Variants in CNTN4 observed in about 807,000 individuals in gnomAD.
CNTN4 encodes contactin-4.
In CNTN4, 77 loss-of-function variants were observed where a neutral mutation model predicts 122.5. The ratio of observed to expected loss-of-function variants is 0.63; its 90% confidence interval spans 0.52 to 0.76. The LOEUF is 0.76. CNTN4 is among the 30% of genes least tolerant of loss of function. The pLI is 0.00. For synonymous variants in CNTN4, 512 were observed against 447.0 expected, an observed-to-expected ratio of 1.15 and a Z score of -1.83; for missense variants, 1,256 against 1,259.1, an observed-to-expected ratio of 1.00 and a Z score of 0.04.
chr3:2,474,972 T>C (rs1192535365), intron 3 of CNTN4, among the ~76,000 whole-genome samples: 1 of 152,206 alleles, frequency 6.6e-6, no homozygotes, highest in Non-Finnish European at 1.5e-5. Context: ...ATCTTTCATA[T>C]TTTAAATAGC....
chr3:2,465,816 T>C (rs1486721688), intron 3 of CNTN4, among the ~76,000 whole-genome samples: 1 of 152,240 alleles, frequency 6.6e-6, no homozygotes, highest in Non-Finnish European at 1.5e-5. Context: ...GATATCTTTG[T>C]TGGTCCTTTT....
chr3:3,044,725 C>A (rs973310756), intron 23 of CNTN4, among the ~76,000 whole-genome samples: 4 of 152,166 alleles, frequency 2.6e-5, no homozygotes, highest in African/African-American at 9.7e-5. Flanking sequence ...AACTGAGGTA[C>A]TGGGTTCATC....
intron 3 of CNTN4, among the ~76,000 whole-genome samples, chr3:2,420,534 C>G (rs927741766): frequency 1.3e-5 from 2 of 151,950 alleles, no homozygotes; most frequent in Non-Finnish European, 1.5e-5. Flanking sequence ...CTCCCAGGTT[C>G]AAGCAATTCT....
intron 4 of CNTN4, among the ~76,000 whole-genome samples, chr3:2,591,725 T>G (rs1364811831): frequency 3.3e-5 from 5 of 151,900 alleles, no homozygotes; most frequent in African/African-American, 4.8e-5. Flanking sequence ...ATGAGGTGAA[T>G]TTTTGAAAGG....
intron 7 of CNTN4, among the ~76,000 whole-genome samples, chr3:2,854,459 G>T (rs558062995): frequency 1.3e-4 from 20 of 151,626 alleles, no homozygotes; most frequent in African/African-American, 4.4e-4. Context: ...TTTTGGTAGA[G>T]ACGGGGTTTC....
chr3:2,913,020 C>T (rs140009316), intron 12 of CNTN4, among the ~76,000 whole-genome samples: 4 of 152,102 alleles, frequency 2.6e-5, no homozygotes, highest in Non-Finnish European at 4.4e-5. Flanking sequence ...GATGTGGTGG[C>T]GCATGCCTGT....
intron 4 of CNTN4, among the ~76,000 whole-genome samples, chr3:2,684,127 G>T (rs1489620569): frequency 6.6e-6 from 1 of 152,148 alleles, no homozygotes; most frequent in African/African-American, 2.4e-5. Context: ...TTGGTTTCCA[G>T]TGTATATATA....
At chr3:2,688,926 C>A (rs539878108) in intron 4 of CNTN4, among the ~76,000 whole-genome samples, 1 of 152,198 alleles carries the variant, frequency 6.6e-6, no homozygotes, top group South Asian at 2.1e-4. Context: ...AGAACAGGTC[C>A]AAGATGAGGA....
intron 13 of CNTN4, among the ~76,000 whole-genome samples, chr3:2,948,438 T>C (rs1033873803): frequency 6.6e-6 from 1 of 152,078 alleles, no homozygotes; most frequent in African/African-American, 2.4e-5. Context: ...GAGAGGCAAG[T>C]GGTGGTGGTA....
chr3:2,360,792 A>G (rs2045101835), intron 3 of CNTN4, among the ~76,000 whole-genome samples: 1 of 152,106 alleles, frequency 6.6e-6, no homozygotes, highest in African/African-American at 2.4e-5. Context: ...TGATTCAGCT[A>G]CCTTCACCTG....
intron 6 of CNTN4, among the ~76,000 whole-genome samples, chr3:2,816,389 A>T (rs550077070): frequency 2.0e-5 from 3 of 151,916 alleles, no homozygotes; most frequent in East Asian, 3.9e-4. Flanking sequence ...TAAAATAAAT[A>T]AAAAAAGAAT....
chr3:2,762,937 C>CTT (rs529635016), intron 6 of CNTN4, among the ~76,000 whole-genome samples: 113 of 96,448 alleles, frequency 1.2e-3, no homozygotes, highest in East Asian at 2.2e-3. Flanking sequence ...TGATGTCAAG[C>CTT]TTTTTTTTTT....
At chr3:2,770,994 TC>T (rs1202731762) in intron 6 of CNTN4, among the ~76,000 whole-genome samples, 1 of 152,168 alleles carries the variant, frequency 6.6e-6, no homozygotes, top group Non-Finnish European at 1.5e-5. Context: ...AAATACTGTT[TC>T]CCCTTCACTG....
chr3:2,654,771 C>T (rs2150226952), intron 4 of CNTN4, among the ~76,000 whole-genome samples: 1 of 152,258 alleles, frequency 6.6e-6, no homozygotes, highest in African/African-American at 2.4e-5. Context: ...AGTTAGGAGT[C>T]CTGGATTGCA....
At chr3:2,379,179 C>A (rs1025185642) in intron 3 of CNTN4, among the ~76,000 whole-genome samples, 14 of 152,096 alleles carry the variant, frequency 9.2e-5, no homozygotes, top group African/African-American at 2.4e-5. Context: ...CAACATATAT[C>A]CCATTTTTTC....
intron 3 of CNTN4, among the ~76,000 whole-genome samples, chr3:2,400,427 A>ATATATAT (rs2046806616): frequency 1.6e-5 from 1 of 64,442 alleles, no homozygotes; most frequent in Non-Finnish European, 3.3e-5. Flanking sequence ...ATATATATAT[A>ATATATAT]CATATATATA....
At chr3:2,300,763 G>T (rs2042480744) in intron 2 of CNTN4, among the ~76,000 whole-genome samples, 1 of 151,708 alleles carries the variant, frequency 6.6e-6, no homozygotes, top group Admixed American at 6.6e-5. Flanking sequence ...TAGAGATGGG[G>T]TTTCACCATG....
At chr3:2,450,923 T>G (rs1291608019) in intron 3 of CNTN4, among the ~76,000 whole-genome samples, 1 of 152,174 alleles carries the variant, frequency 6.6e-6, no homozygotes, top group Non-Finnish European at 1.5e-5. Flanking sequence ...ACCACTCACA[T>G]TGTTAAAGGA....
intron 3 of CNTN4, among the ~76,000 whole-genome samples, chr3:2,561,271 T>G (rs904538450): frequency 6.6e-6 from 1 of 152,172 alleles, no homozygotes; most frequent in Non-Finnish European, 1.5e-5. Context: ...GTTAGCAGAA[T>G]TGGCACTCTG....
Sources: gnomAD v4.1 joint callset for allele counts (sites outside exome capture counted in the v4.1 genomes callset) on GRCh38, gnomAD v4.1.1 for gene constraint, MANE v1.5 for transcripts, NCBI Gene and HGNC (gene_info 2026-07-23, HGNC 2026-07-21) for gene names.